SLX9: variants seen among roughly 807,000 people sequenced by gnomAD.
The protein encoded by SLX9 is SLX9 ribosome biogenesis factor, also known as ribosome biogenesis protein SLX9 homolog.
A neutral mutation model predicts 20.8 loss-of-function variants in SLX9; 19 were observed. The observed-to-expected ratio is 0.91, with a 90% CI of 0.64 to 1.34. The LOEUF (loss-of-function observed/expected upper bound fraction) is 1.34, where lower values mean the gene tolerates loss of function less well. Among genes scored for constraint, SLX9 ranks in the 40% most tolerant of loss-of-function variants. The pLI, the probability that SLX9 is intolerant of heterozygous loss-of-function variation, is 0.00. For missense variants in SLX9, 299 were observed against 322.2 expected, an observed-to-expected ratio of 0.93 and a Z score of 0.55; for synonymous variants, 113 against 137.1, an observed-to-expected ratio of 0.82 and a Z score of 1.23.
chr21:44,952,280 C>A (rs913610631), intron 2 of SLX9, among the ~76,000 whole-genome samples: 3 of 152,258 alleles, frequency 2.0e-5, no homozygotes, highest in African/African-American at 7.2e-5. Context: ...TGCTCGCCCC[C>A]GGGAAGCTCA....
chr21:44,959,471 T>TA (rs1478689553), intron 2 of SLX9, among the ~76,000 whole-genome samples: 1 of 151,936 alleles, frequency 6.6e-6, no homozygotes, highest in Non-Finnish European at 1.5e-5. Context: ...CCTGCCCCTG[T>TA]CCCCCCAGCA....
At position 44,940,266 on chromosome 21, in the gene SLX9, G is replaced by T. The variant is rs558664807; in HGVS notation, c.129+80G>T. ...GCTGCGGGGCGCCGCCTCCGGGAGG[G>T]TTCCGCGACCCCGGCCTTCCCTCGG... On this transcript the variant is annotated intron_variant, in intron 1 of 5. Transcript: ENST00000291634. 1.0e-5 allele frequency: 12 copies of T among 1,193,252 alleles called. No individual in the cohort carries two copies. The South Asian group carries it at 1.7e-4, about 17-fold the overall frequency. The allele number at this position is 1,193,252 out of a possible 1,614,324, so 73.9% of individuals were successfully genotyped here. A position where few individuals can be genotyped will look rare whatever the true frequency, so the allele number is the denominator to read the frequency against.
chr21:44,975,960 C>T (rs1020266011), intron 5 of SLX9, among the ~76,000 whole-genome samples: 2 of 152,268 alleles, frequency 1.3e-5, no homozygotes, highest in Non-Finnish European at 2.9e-5. Flanking sequence ...AGGCTCCGTG[C>T]ACACGGGGCA....
intron 2 of SLX9, 76 bp downstream of exon 2, chr21:44,943,913 A>C: frequency 5.7e-6 from 9 of 1,589,114 alleles, no homozygotes; most frequent in Non-Finnish European, 6.9e-6. Context: ...CCGAGGTCTC[A>C]GCAGCTTTCC....
chr21:44,940,052 G>C lies in SLX9; in HGVS notation c.-6G>C, dbSNP rs964115527. On this transcript the variant is annotated 5_prime_UTR_variant, in exon 1 of 6. Coordinates refer to ENST00000291634, the MANE Select transcript of SLX9 (RefSeq NM_058190.4). ...CTCCGCACGTTTGCCGTGCTCCGCCGGGAAGATGGGGAAAGTGAGGGGGTT... is the reference window on the plus strand; with the variant it reads ...CTCCGCACGTTTGCCGTGCTCCGCCCGGAAGATGGGGAAAGTGAGGGGGTT... 6.9e-7 allele frequency: 1 copy of C among 1,451,466 alleles called. No individual in the cohort carries two copies. The highest frequency in any genetic ancestry group is 1.4e-5 in the South Asian group (1 of 70,202). 89.9% of individuals were successfully genotyped at this position (1,451,466 alleles called of 1,614,324 possible).
At chr21:44,968,318 G>A (rs1019017781) in intron 4 of SLX9, among the ~76,000 whole-genome samples, 5 of 151,938 alleles carry the variant, frequency 3.3e-5, no homozygotes, top group Admixed American at 1.3e-4. Flanking sequence ...ACCCGGTGAC[G>A]CAACCCCACC....
intron 2 of SLX9, among the ~76,000 whole-genome samples, chr21:44,949,474 A>G (rs1391445895): frequency 6.6e-6 from 1 of 152,088 alleles, no homozygotes; most frequent in Non-Finnish European, 1.5e-5. Context: ...CCGGGTCCCC[A>G]AAGCGCGGCC....
At chr21:44,948,176 G>A (rs961113943) in intron 2 of SLX9, among the ~76,000 whole-genome samples, 8 of 149,460 alleles carry the variant, frequency 5.4e-5, no homozygotes, top group African/African-American at 1.7e-4. Context: ...TCGGGCGATC[G>A]GGCATCCGGG....
intron 5 of SLX9, among the ~76,000 whole-genome samples, chr21:44,974,828 C>T (rs556526836): frequency 1.7e-4 from 26 of 152,348 alleles, no homozygotes; most frequent in Admixed American, 1.1e-3. Flanking sequence ...GTGTGGCCAT[C>T]GTCCTGCCTG....
intron 4 of SLX9, among the ~76,000 whole-genome samples, chr21:44,967,402 C>T (rs1273645456): frequency 6.6e-6 from 1 of 152,190 alleles, no homozygotes. Flanking sequence ...CACCCAGGCC[C>T]ACCCTTGTGA....
intron 2 of SLX9, among the ~76,000 whole-genome samples, chr21:44,953,253 A>G (rs1254552018): frequency 2.0e-5 from 3 of 152,176 alleles, no homozygotes; most frequent in Admixed American, 2.0e-4. Context: ...TGTCATGTTC[A>G]GGGGCCCTGG....
At chr21:44,962,806 C>T (rs1034807465) in intron 3 of SLX9, among the ~76,000 whole-genome samples, 1 of 152,122 alleles carries the variant, frequency 6.6e-6, no homozygotes. Context: ...TTCTCCTGGC[C>T]CTCAGCTTTG....
rs535219131 is a variant in SLX9, at chr21:44,943,686, C to G, written c.132C>G (p.Asp44Glu). ...TPPPASAAGK[D>E]WAFINTNIFA... Reference sequence around the variant, plus strand: ...TCCGTTTTTGTTGGGGACATTAGGACTGGGCGTTCATCAACACCAACATCT... The same window carrying G: ...TCCGTTTTTGTTGGGGACATTAGGAGTGGGCGTTCATCAACACCAACATCT... The change falls in exon 2 of 6, where the codon GAC (aspartate) becomes GAG (glutamate). Residue 44 changes from aspartate (D) to glutamate (E), a missense_variant and splice_region_variant. By Grantham distance (45) the Asp-to-Glu change is conservative. Transcript: ENST00000291634. 1 of 1,614,046 alleles carries G rather than the reference C, an allele frequency of 6.2e-7. No homozygotes were observed. The highest frequency in any genetic ancestry group is 2.2e-5 in the East Asian group (1 of 44,888).
At chr21:44,974,372 G>A (rs78016216) in intron 5 of SLX9, among the ~76,000 whole-genome samples, 2,785 of 152,262 alleles carry the variant, frequency 0.018, 83 homozygotes, top group African/African-American at 0.063. Context: ...AGCTGGTGTC[G>A]AATGGTAGCT....
chr21:44,953,953 G>A (rs941492056), intron 2 of SLX9, among the ~76,000 whole-genome samples: 5 of 152,172 alleles, frequency 3.3e-5, no homozygotes, highest in Admixed American at 1.3e-4. Context: ...TGGGGACGGC[G>A]GTGGTTCTGT....
At chr21:44,959,386 C>T in intron 2 of SLX9, 1 of 411,778 alleles carries the variant, frequency 2.4e-6, no homozygotes, top group Non-Finnish European at 3.3e-6. Context: ...TCAGAGCAAA[C>T]TGGAGTCAGA....
chr21:44,955,889 G>A (rs2838745), intron 2 of SLX9, among the ~76,000 whole-genome samples: 24,739 of 152,274 alleles, frequency 0.16, 2,090 homozygotes, highest in Admixed American at 0.22. Context: ...ATGAACGTCT[G>A]ATACTTCACA....
intron 2 of SLX9, among the ~76,000 whole-genome samples, chr21:44,952,710 C>T (rs1242916636): frequency 2.0e-5 from 3 of 152,170 alleles, no homozygotes; most frequent in East Asian, 1.9e-4. Context: ...TGTGGGTGTC[C>T]GTGTCATGTG....
chr21:44,965,069 C>CT (rs751882096), intron 3 of SLX9, among the ~76,000 whole-genome samples: 20 of 152,194 alleles, frequency 1.3e-4, no homozygotes, highest in Non-Finnish European at 2.5e-4. Flanking sequence ...GCCCTACTTT[C>CT]TTGTTGCTTG....
Sources: gnomAD v4.1 joint callset for allele counts (sites outside exome capture counted in the v4.1 genomes callset) on GRCh38, gnomAD v4.1.1 for gene constraint, MANE v1.5 for transcripts, NCBI Gene and HGNC (gene_info 2026-07-23, HGNC 2026-07-21) for gene names.